PROSER2: variants seen among roughly 807,000 people sequenced by gnomAD.
PROSER2 encodes the protein proline and serine rich 2.
A neutral mutation model predicts 14.6 loss-of-function variants in PROSER2; 18 were observed. The observed-to-expected ratio is 1.23, with a 90% CI of 0.85 to 1.83. PROSER2 has a LOEUF of 1.83. Among genes scored for constraint, PROSER2 ranks in the 40% most tolerant of loss-of-function variants. The pLI is 0.00. For synonymous variants in PROSER2, 367 were observed against 286.4 expected, an observed-to-expected ratio of 1.28 and a Z score of -2.84; for missense variants, 823 against 629.8, an observed-to-expected ratio of 1.31 and a Z score of -3.28.
Position 11,852,164 on chromosome 10 carries a change from C to T in PROSER2, c.87C>T (p.Gly29=), listed in dbSNP as rs547184555. 22 of 1,613,282 alleles carry T rather than the reference C, an allele frequency of 1.4e-5. No homozygotes were observed. In the East Asian group the frequency reaches 1.8e-4, roughly 13 times the overall value. Residue 29 remains glycine (G), a synonymous_variant, in exon 2 of 4, where the codon GGC becomes GGT. Transcript: ENST00000277570. ...GCAGGCTCCGAGCCTTCAGCAGAGG[C>T]GGCAGCCTGGAGAGTCGAAGCAGCA... ...PSCRLRAFSR[G]GSLESRSSSS... is the part of the protein sequence containing the mutation.
chr10:11,865,404 A>G lies in PROSER2; in HGVS notation c.139-1127A>G, dbSNP rs919303997. Reference sequence around the variant, plus strand: ...CCTTTTTGAAGTTTTCCATCACTCCACATAGTTCATTTCCTGTAAGTTGCT... The same window carrying G: ...CCTTTTTGAAGTTTTCCATCACTCCGCATAGTTCATTTCCTGTAAGTTGCT... On this transcript the variant is annotated intron_variant, in intron 2 of 3. Coordinates refer to ENST00000277570, the MANE Select transcript of PROSER2 (RefSeq NM_153256.4). This position sits in a 1 kb window ranked among gnomAD's most constrained non-coding sequence, Gnocchi z 4.2. Among the ~76,000 whole-genome samples, 1 of 151,994 alleles carries G rather than the reference A, an allele frequency of 6.6e-6. No homozygotes were observed. The highest frequency in any genetic ancestry group is 1.9e-4 in the East Asian group (1 of 5,198).
intron 1 of PROSER2, among the ~76,000 whole-genome samples, chr10:11,826,948 G>C (rs1238169027): frequency 1.4e-5 from 2 of 141,772 alleles, no homozygotes; most frequent in Admixed American, 7.6e-5. Flanking sequence ...GCAGTGGCAC[G>C]ATCTCAGCTC....
intron 1 of PROSER2, among the ~76,000 whole-genome samples, chr10:11,842,931 C>CTTTGTTTTTTTTTTT (rs1833865971): frequency 1.9e-5 from 1 of 51,956 alleles, no homozygotes; most frequent in Non-Finnish European, 3.7e-5. Flanking sequence ...TGCCATTGTT[C>CTTTGTTTTTTTTTTT]TTTTTTTTTT....
chr10:11,849,503 C>T (rs1272466309), intron 1 of PROSER2: 1 of 152,240 alleles, frequency 6.6e-6, no homozygotes, highest in Non-Finnish European at 1.5e-5. Context: ...CTGCCTTTCT[C>T]TAGTACCTGG....
At chr10:11,855,269 T>G (rs1445428637) in intron 2 of PROSER2, among the ~76,000 whole-genome samples, 3 of 151,184 alleles carry the variant, frequency 2.0e-5, no homozygotes, top group African/African-American at 4.9e-5. Flanking sequence ...GTCAGGAGAT[T>G]GAGACCATCC....
chr10:11,859,176 C>T (rs759738748), intron 2 of PROSER2, among the ~76,000 whole-genome samples: 7 of 152,064 alleles, frequency 4.6e-5, no homozygotes, highest in Non-Finnish European at 7.4e-5. Context: ...AATCCCAGCA[C>T]TTTGGGAGGC....
At position 11,838,422 on chromosome 10, in the gene PROSER2, C is replaced by T. The variant is rs144223161; in HGVS notation, c.-81-13575C>T. Among the ~76,000 whole-genome samples the T allele has an allele frequency of 3.4e-4, 52 of 152,322 alleles. No homozygotes were observed. Among genetic ancestry groups the T allele is most frequent in the South Asian group, 6.2e-4 (3 of 4,820 alleles). ...CTACTTATAGAAAGTTCATGGTAGG[C>T]GAAGAACCTGGACTGCCACCAACTC... On this transcript the variant is annotated intron_variant, in intron 1 of 3. Coordinates refer to ENST00000277570, the MANE Select transcript of PROSER2 (RefSeq NM_153256.4). The surrounding 1 kb of genome is among the most constrained non-coding windows in gnomAD (Gnocchi z 4.4).
At position 11,856,911 on chromosome 10, in the gene PROSER2, G is replaced by A. The variant is rs1834132789; in HGVS notation, c.138+4696G>A. On this transcript the variant is annotated intron_variant, in intron 2 of 3. Coordinates refer to ENST00000277570, the MANE Select transcript of PROSER2 (RefSeq NM_153256.4). This position sits in a 1 kb window ranked among gnomAD's most constrained non-coding sequence, Gnocchi z 5.3. ...GGGGACACTGAACCGGAGGTGCCTT[G>A]AGGGAGGAGCCGCCCCATCAGCCAT... Among the ~76,000 whole-genome samples, 3 of 152,216 alleles carry A rather than the reference G, an allele frequency of 2.0e-5. No homozygotes were observed. The highest frequency in any genetic ancestry group is 4.1e-4 in the South Asian group (2 of 4,822).
chr10:11,869,435 A>G lies in PROSER2; in HGVS notation c.392-55A>G. ...TTTCAGTTCAGCGAGAGGGAACTTCATGCATTTACTTTCACGTGGGCCGGT... is the reference window on the plus strand; with the variant it reads ...TTTCAGTTCAGCGAGAGGGAACTTCGTGCATTTACTTTCACGTGGGCCGGT... On this transcript the variant is annotated intron_variant, in intron 3 of 3. Coordinates refer to ENST00000277570, the MANE Select transcript of PROSER2 (RefSeq NM_153256.4). The surrounding 1 kb of genome is among the most constrained non-coding windows in gnomAD (Gnocchi z 4.4). 7.5e-7 allele frequency: 1 copy of G among 1,334,380 alleles called. No homozygotes were observed. Among genetic ancestry groups the G allele is most frequent in the Non-Finnish European group, 1.1e-6 (1 of 928,318 alleles). 82.7% of individuals were successfully genotyped at this position (1,334,380 alleles called of 1,614,324 possible).
At chr10:11,827,411 A>G (rs1403930628) in intron 1 of PROSER2, among the ~76,000 whole-genome samples, 1 of 152,108 alleles carries the variant, frequency 6.6e-6, no homozygotes, top group Non-Finnish European at 1.5e-5. Context: ...AGTTATTTGT[A>G]TAGGGCTCGG....
rs1834342984 is a variant in PROSER2 at position 11,866,228 on chromosome 10, T to G, written c.139-303T>G. Among the ~76,000 whole-genome samples, 1 of 152,258 alleles carries G rather than the reference T, an allele frequency of 6.6e-6. No homozygotes were observed. The highest frequency in any genetic ancestry group is 1.9e-4 in the East Asian group (1 of 5,204). On this transcript the variant is annotated intron_variant, in intron 2 of 3. Coordinates refer to ENST00000277570, the MANE Select transcript of PROSER2 (RefSeq NM_153256.4). This position sits in a 1 kb window ranked among gnomAD's most constrained non-coding sequence, Gnocchi z 6.0. ...ACAAGTGTGTTGGATAGCCGTAGGCTGACTGCAGCTCTCCAGTGTGCTCCC... is the reference window on the plus strand; with the variant it reads ...ACAAGTGTGTTGGATAGCCGTAGGCGGACTGCAGCTCTCCAGTGTGCTCCC...
At position 11,870,798 on chromosome 10, in the gene PROSER2, T is replaced by A; in HGVS notation, c.*392T>A. The A allele has an allele frequency of 5.5e-6, 1 of 183,372 alleles. No individual in the cohort carries two copies. Among genetic ancestry groups the A allele is most frequent in the East Asian group, 1.6e-4 (1 of 6,238 alleles). The allele number at this position is 183,372 out of a possible 1,614,324, so 11.4% of individuals were successfully genotyped here. A position where few individuals can be genotyped will look rare whatever the true frequency, so the allele number is the denominator to read the frequency against. On this transcript the variant is annotated 3_prime_UTR_variant, in exon 4 of 4. Coordinates refer to ENST00000277570, the MANE Select transcript of PROSER2 (RefSeq NM_153256.4). ...TACCCTCTTCTCGAAGTACATGACA[T>A]GAAAGTTCAGATCCCTTCCACTCAG... is the stretch of plus-strand genomic sequence containing the variant.
At chr10:11,824,132 T>C (rs556197063) in intron 1 of PROSER2, among the ~76,000 whole-genome samples, 1 of 152,308 alleles carries the variant, frequency 6.6e-6, no homozygotes, top group Non-Finnish European at 1.5e-5. Context: ...AGTTGTTTGG[T>C]GTATTTTTTT....
Position 11,843,117 on chromosome 10 carries a change from T to A in PROSER2, c.-81-8880T>A, listed in dbSNP as rs188562488. ...CACCATGCCCGGCTAATTTTTTGTA[T>A]TTTTAGTATAGACGGGGTTTCACCA... is the stretch of plus-strand genomic sequence containing the variant. On this transcript the variant is annotated intron_variant, in intron 1 of 3. Transcript: ENST00000277570. Among the ~76,000 whole-genome samples the A allele has an allele frequency of 9.7e-4, 146 of 150,512 alleles. 1 individual carries two copies. Among genetic ancestry groups the A allele is most frequent in the African/African-American group, 3.4e-3 (142 of 41,366 alleles).
At chr10:11,857,178 A>T (rs751472022) in intron 2 of PROSER2, 1 of 152,132 alleles carries the variant, frequency 6.6e-6, no homozygotes, top group East Asian at 1.9e-4. Context: ...AGGGTCTCGG[A>T]GCGCCTCAAA....
chr10:11,864,241 C>T (rs1349262776), intron 2 of PROSER2, among the ~76,000 whole-genome samples: 1 of 152,190 alleles, frequency 6.6e-6, no homozygotes, highest in Non-Finnish European at 1.5e-5. Flanking sequence ...CCCATTGTCT[C>T]CCGGCTTCTG....
intron 1 of PROSER2, among the ~76,000 whole-genome samples, chr10:11,842,841 A>G (rs1833863616): frequency 6.6e-6 from 1 of 150,922 alleles, no homozygotes; most frequent in Admixed American, 6.6e-5. Flanking sequence ...ATACATGTAC[A>G]TATGTGTGCG....
intron 2 of PROSER2, among the ~76,000 whole-genome samples, chr10:11,859,075 G>A (rs1362837528): frequency 6.8e-6 from 1 of 146,742 alleles, no homozygotes; most frequent in African/African-American, 2.5e-5. Flanking sequence ...ATCTGAAGAT[G>A]TGTATCCTTA....
At chr10:11,840,112 CT>C (rs1475013329) in intron 1 of PROSER2, among the ~76,000 whole-genome samples, 8 of 151,608 alleles carry the variant, frequency 5.3e-5, no homozygotes, top group African/African-American at 1.7e-4. Context: ...TCCTCCACCC[CT>C]GGGTAATTTT....
Sources: gnomAD v4.1 joint callset for allele counts (sites outside exome capture counted in the v4.1 genomes callset) on GRCh38, gnomAD v4.1.1 for gene constraint, Gnocchi (gnomAD v3.1) non-coding constraint, MANE v1.5 for transcripts, NCBI Gene and HGNC (gene_info 2026-07-23, HGNC 2026-07-21) for gene names.